PPFIBP1: variants seen among roughly 807,000 people sequenced by gnomAD.
PPFIBP1 encodes the protein PPFIB scaffold protein 1.
PPFIBP1 carries 112 observed loss-of-function variants against 137.8 expected under a neutral mutation model. That is an observed-to-expected ratio of 0.81 (90% CI 0.70 to 0.95). The LOEUF (loss-of-function observed/expected upper bound fraction) is 0.95. PPFIBP1 is among the 40% of genes least tolerant of loss of function. PPFIBP1 has a pLI of 0.00. For synonymous variants in PPFIBP1, 378 were observed against 417.3 expected, an observed-to-expected ratio of 0.91 and a Z score of 1.15; for missense variants, 1,083 against 1,196.6, an observed-to-expected ratio of 0.91 and a Z score of 1.40.
intron 1 of PPFIBP1, among the ~76,000 whole-genome samples, chr12:27,563,803 A>G (rs1249567888): frequency 1.3e-5 from 2 of 151,808 alleles, no homozygotes; most frequent in African/African-American, 4.8e-5. Flanking sequence ...TTTTAACATA[A>G]AGGGACTTAA....
intron 1 of PPFIBP1, among the ~76,000 whole-genome samples, chr12:27,546,380 TA>T (rs1946244954): frequency 1.3e-5 from 2 of 152,172 alleles, no homozygotes; most frequent in African/African-American, 2.4e-5. Context: ...AAAAATTAAA[TA>T]ATAGTGTGAT....
chr12:27,633,217 A>G, intron 2 of PPFIBP1, 145 bp from the exon 3 acceptor site: 1 of 612,100 alleles, frequency 1.6e-6, no homozygotes, highest in South Asian at 2.0e-5. Context: ...ACAGTAGGTG[A>G]TTGGCCACAG....
chr12:27,546,781 A>T (rs1946277558), intron 1 of PPFIBP1, among the ~76,000 whole-genome samples: 1 of 152,152 alleles, frequency 6.6e-6, no homozygotes, highest in South Asian at 2.1e-4. Context: ...GGGGAGACTG[A>T]GGTGGGTGGA....
At chr12:27,563,860 A>G (rs1295725758) in intron 1 of PPFIBP1, among the ~76,000 whole-genome samples, 2 of 149,576 alleles carry the variant, frequency 1.3e-5, no homozygotes, top group African/African-American at 4.9e-5. Context: ...GCCAGCCATA[A>G]ACACTTCCCT....
chr12:27,552,213 T>G (rs1397127251), intron 1 of PPFIBP1, among the ~76,000 whole-genome samples: 1 of 152,256 alleles, frequency 6.6e-6, no homozygotes, highest in Non-Finnish European at 1.5e-5. Context: ...TGTTATATTT[T>G]AAATTCTGAT....
intron 4 of PPFIBP1, chr12:27,636,212 C>G (rs1190410555): frequency 6.6e-6 from 1 of 150,928 alleles, no homozygotes; most frequent in African/African-American, 2.4e-5. Context: ...TTTCTGAGAG[C>G]GAATAGTACA....
At chr12:27,663,186 G>A (rs2059652799) in intron 11 of PPFIBP1, among the ~76,000 whole-genome samples, 1 of 152,170 alleles carries the variant, frequency 6.6e-6, no homozygotes, top group Non-Finnish European at 1.5e-5. Flanking sequence ...GTTCCTTAGA[G>A]CCACACCACA....
Position 27,680,033 on chromosome 12 carries a change from T to C in PPFIBP1, c.1867T>C (p.Trp623Arg), listed in dbSNP as rs1375201900. 1 of 1,613,980 alleles carries C rather than the reference T, an allele frequency of 6.2e-7. No homozygotes were observed. Among genetic ancestry groups the C allele is most frequent in the Non-Finnish European group, 8.5e-7 (1 of 1,179,976 alleles). The change falls in exon 21 of 30, where the codon TGG becomes CGG. Residue 623 changes from tryptophan (W) to arginine (R), a missense_variant. Physicochemically the swap from Trp to Arg is moderately radical, Grantham distance 101. Coordinates refer to ENST00000228425, the MANE Select transcript of PPFIBP1 (RefSeq NM_003622.4). ...TRATAGPRLGWSRDLGQSNSD... is the reference protein window; with the variant it reads ...TRATAGPRLGRSRDLGQSNSD... ...GGCAACCGCGGGGCCCCGATTAGGT[T>C]GGTCTCGAGACTTGGGACAGTCTAA...
At chr12:27,562,702 C>T (rs1183578344) in intron 1 of PPFIBP1, among the ~76,000 whole-genome samples, 1 of 152,134 alleles carries the variant, frequency 6.6e-6, no homozygotes, top group Non-Finnish European at 1.5e-5. Flanking sequence ...GCTTTTTAGA[C>T]TGCTAAAACT....
In PPFIBP1 at chr12:27,592,681, G is replaced by C. The variant is rs879239734; in HGVS notation, c.-36+14442G>C. Reference sequence around the variant, plus strand: ...GTGGGAAGGAGTGTCATCCTTCTCCGGCTGCTCTGACAGGATTGAGATCTC... The same window carrying C: ...GTGGGAAGGAGTGTCATCCTTCTCCCGCTGCTCTGACAGGATTGAGATCTC... On this transcript the variant is annotated intron_variant, in intron 2 of 29. Coordinates refer to ENST00000228425, the MANE Select transcript of PPFIBP1 (RefSeq NM_003622.4). 14 of 1,432,240 alleles carry C rather than the reference G, an allele frequency of 9.8e-6. No individual in the cohort carries two copies. In the South Asian group the frequency reaches 1.5e-4, roughly 15 times the overall value. 88.7% of individuals were successfully genotyped at this position (1,432,240 alleles called of 1,614,324 possible). A position where few individuals can be genotyped will look rare whatever the true frequency, so the allele number is the denominator to read the frequency against.
intron 1 of PPFIBP1, among the ~76,000 whole-genome samples, chr12:27,529,222 A>G (rs139085096): frequency 1.2e-3 from 178 of 152,352 alleles, no homozygotes; most frequent in African/African-American, 4.0e-3. Context: ...GGACTCCACA[A>G]TAGGCCTGGA....
rs1442558818 is a variant in PPFIBP1 at position 27,536,761 on chromosome 12, A to G, written c.-124+12396A>G. 1.3e-5 allele frequency among the ~76,000 whole-genome samples: 2 copies of G among 152,268 alleles called. 1 individual carries two copies. Among genetic ancestry groups the G allele is most frequent in the South Asian group, 4.2e-4 (2 of 4,814 alleles). ...ACTTACAAAACGCAAATTCAAAATT[A>G]TTATCATTCTCAAGATGGTGACAGT... On this transcript the variant is annotated intron_variant, in intron 1 of 29. Coordinates refer to ENST00000228425, the MANE Select transcript of PPFIBP1 (RefSeq NM_003622.4).
Position 27,541,252 on chromosome 12 carries a change from TGAGA to T in PPFIBP1, c.-124+16896_-124+16899del, listed in dbSNP as rs549612138. ...GAAAACTTGCACGTGTGTGTGTGTG[TGAGA>T]GAGAGAGAAAAAAAAAAATAGAGAA... On this transcript the variant is annotated intron_variant, in intron 1 of 29. Transcript: ENST00000228425. Among the ~76,000 whole-genome samples the T allele has an allele frequency of 8.2e-3, 1,235 of 150,848 alleles. 8 individuals are homozygous for T. Among genetic ancestry groups the T allele is most frequent in the Non-Finnish European group, 0.013 (858 of 67,674 alleles).
chr12:27,531,505 C>G (rs192579844), intron 1 of PPFIBP1, among the ~76,000 whole-genome samples: 1 of 150,340 alleles, frequency 6.7e-6, no homozygotes, highest in Non-Finnish European at 1.5e-5. Context: ...GTTTCACCAT[C>G]GTGGCCAGGC....
intron 4 of PPFIBP1, among the ~76,000 whole-genome samples, chr12:27,641,816 T>C (rs1342575598): frequency 3.9e-5 from 6 of 152,254 alleles, no homozygotes; most frequent in South Asian, 4.1e-4. Flanking sequence ...ATCTATCACC[T>C]GAGAACACAG....
intron 1 of PPFIBP1, among the ~76,000 whole-genome samples, chr12:27,559,198 G>A (rs2048958023): frequency 6.6e-6 from 1 of 150,392 alleles, no homozygotes; most frequent in Non-Finnish European, 1.5e-5. Context: ...TTTAGACGGA[G>A]TCTCGCTCTG....
rs1221802548 is a variant in PPFIBP1 at position 27,664,445 on chromosome 12, AG to A, written c.991+1del. The A allele has an allele frequency of 3.1e-6, 5 of 1,606,102 alleles. No individual in the cohort carries two copies. Among genetic ancestry groups the A allele is most frequent in the Non-Finnish European group, 4.3e-6 (5 of 1,175,318 alleles). On this transcript the variant is annotated frameshift_variant and splice_region_variant, in exon 12 of 30. Coordinates refer to ENST00000228425, the MANE Select transcript of PPFIBP1 (RefSeq NM_003622.4). LOFTEE classifies it high-confidence loss of function. ...DTVVLAQGKK[G>X]KDGEYEELLN... ...CGGTGGTACTGGCCCAAGGTAAAAA[AG>A]GTAGAGTGTAGCTCTAAAAGTTTTT... is the stretch of plus-strand genomic sequence containing the variant.
chr12:27,641,946 A>AAAACAAAT (rs2058136498), intron 4 of PPFIBP1, among the ~76,000 whole-genome samples: 1 of 147,796 alleles, frequency 6.8e-6, no homozygotes, highest in South Asian at 2.2e-4. Context: ...TGCAACTGCA[A>AAAACAAAT]AAATAAATAA....
chr12:27,656,993 G>A (rs1254070980), intron 9 of PPFIBP1: 3 of 297,996 alleles, frequency 1.0e-5, no homozygotes, highest in East Asian at 1.6e-4. Context: ...CTCATCACAA[G>A]GATGGACTTG....
Sources: allele counts gnomAD v4.1 joint callset (sites outside exome capture counted in the v4.1 genomes callset), GRCh38; gene constraint gnomAD v4.1.1; transcripts MANE v1.5; gene names NCBI Gene and HGNC (gene_info 2026-07-23, HGNC 2026-07-21).